Variants in PTPRD observed in about 807,000 individuals in gnomAD.
PTPRD encodes receptor-type tyrosine-protein phosphatase delta.
In PTPRD, 34 loss-of-function variants were observed where a neutral mutation model predicts 214.5. That is an observed-to-expected ratio of 0.16 (90% CI 0.12 to 0.21). The LOEUF (loss-of-function observed/expected upper bound fraction) is 0.21. Among genes scored for constraint, PTPRD ranks in the 10% least tolerant of loss-of-function variants. The pLI is 1.00. For synonymous variants in PTPRD, 1,128 were observed against 845.7 expected, an observed-to-expected ratio of 1.33 and a Z score of -5.79; for missense variants, 2,545 against 2,398.7, an observed-to-expected ratio of 1.06 and a Z score of -1.27.
intron 4 of PTPRD, among the ~76,000 whole-genome samples, chr9:9,943,846 G>T (rs1325301661): frequency 2.0e-5 from 3 of 152,090 alleles, no homozygotes; most frequent in African/African-American, 7.2e-5. Context: ...CCAAGCTGCT[G>T]GGAGTGCTGC....
intron 39 of PTPRD, among the ~76,000 whole-genome samples, chr9:8,357,475 C>T (rs1229877634): frequency 4.6e-5 from 7 of 152,118 alleles, no homozygotes; most frequent in African/African-American, 9.7e-5. Context: ...AGGGATAAAC[C>T]GAGGGCTGAA....
chr9:8,705,567 G>A (rs1203628259), intron 12 of PTPRD, among the ~76,000 whole-genome samples: 11 of 151,994 alleles, frequency 7.2e-5, no homozygotes, highest in African/African-American at 2.7e-4. Context: ...ACATTTCCTT[G>A]TCTCTTAAAA....
At chr9:10,571,794 G>A (rs1457741269) in intron 2 of PTPRD, among the ~76,000 whole-genome samples, 3 of 152,042 alleles carry the variant, frequency 2.0e-5, no homozygotes, top group Non-Finnish European at 4.4e-5. Flanking sequence ...AGGAACAGGC[G>A]ACCTAGATCT....
chr9:9,528,693 G>C (rs1005001288), intron 8 of PTPRD, among the ~76,000 whole-genome samples: 8 of 151,862 alleles, frequency 5.3e-5, no homozygotes, highest in Non-Finnish European at 1.0e-4. Flanking sequence ...CAGTGACAAA[G>C]AGAAAATATT....
intron 35 of PTPRD, among the ~76,000 whole-genome samples, chr9:8,415,780 C>T (rs2093890927): frequency 6.6e-6 from 1 of 151,962 alleles, no homozygotes; most frequent in Non-Finnish European, 1.5e-5. Flanking sequence ...AAAATCTGGT[C>T]CTCTCAGAAT....
chr9:8,812,657 C>T (rs933554170), intron 11 of PTPRD, among the ~76,000 whole-genome samples: 29 of 151,902 alleles, frequency 1.9e-4, no homozygotes, highest in Admixed American at 1.9e-3. Flanking sequence ...TGACCTTCAA[C>T]CCACTGTATC....
intron 3 of PTPRD, among the ~76,000 whole-genome samples, chr9:10,187,813 G>A (rs1055447579): frequency 2.0e-5 from 3 of 152,126 alleles, no homozygotes; most frequent in Admixed American, 2.0e-4. Context: ...TAGAATTGTG[G>A]CAAAGGTCCC....
At chr9:9,047,428 G>T (rs1590466999) in intron 10 of PTPRD, among the ~76,000 whole-genome samples, 1 of 151,996 alleles carries the variant, frequency 6.6e-6, no homozygotes, top group East Asian at 1.9e-4. Context: ...GAACCACAAA[G>T]GAACCAGAAT....
At chr9:9,833,135 G>C (rs1003836993) in intron 5 of PTPRD, among the ~76,000 whole-genome samples, 1 of 151,910 alleles carries the variant, frequency 6.6e-6, no homozygotes, top group African/African-American at 2.4e-5. Context: ...TATTTCTAAG[G>C]AACAAAATAA....
intron 44 of PTPRD, among the ~76,000 whole-genome samples, chr9:8,322,544 C>G (rs778985776): frequency 7.2e-5 from 11 of 152,142 alleles, no homozygotes; most frequent in African/African-American, 2.7e-4. Context: ...CTCTTCAATT[C>G]TATGAAGGCT....
At chr9:9,698,147 C>T (rs770556504) in intron 7 of PTPRD, among the ~76,000 whole-genome samples, 1 of 152,180 alleles carries the variant, frequency 6.6e-6, no homozygotes, top group African/African-American at 2.4e-5. Context: ...CTTTCACTGG[C>T]TCCTTACTTT....
chr9:10,333,794 G>A (rs191986906), intron 3 of PTPRD, among the ~76,000 whole-genome samples: 1 of 151,740 alleles, frequency 6.6e-6, no homozygotes, highest in Admixed American at 6.6e-5. Flanking sequence ...TTTAGGTTTT[G>A]TCTACCTAGG....
chr9:10,046,811 AG>A (rs1490343181), intron 3 of PTPRD, among the ~76,000 whole-genome samples: 4 of 151,966 alleles, frequency 2.6e-5, no homozygotes, highest in Non-Finnish European at 5.9e-5. Flanking sequence ...AAGTTAGTTT[AG>A]GCAAATGCCT....
At chr9:9,974,383 A>G (rs973065725) in intron 4 of PTPRD, among the ~76,000 whole-genome samples, 2 of 152,184 alleles carry the variant, frequency 1.3e-5, no homozygotes, top group Non-Finnish European at 2.9e-5. Flanking sequence ...GAAACTGCCC[A>G]TGGGTTCATG....
At chr9:9,089,212 G>C (rs1243003328) in intron 10 of PTPRD, among the ~76,000 whole-genome samples, 1 of 152,084 alleles carries the variant, frequency 6.6e-6, no homozygotes, top group African/African-American at 2.4e-5. Context: ...ACTTTTAAAA[G>C]GGCTTTCTGT....
At chr9:9,064,388 T>A (rs10759038) in intron 10 of PTPRD, among the ~76,000 whole-genome samples, 19,223 of 152,124 alleles carry the variant, frequency 0.13, 1,519 homozygotes, top group East Asian at 0.37. Context: ...TATAGTTATA[T>A]TTTATGTAGT....
chr9:9,273,727 A>G (rs184900798), intron 9 of PTPRD, among the ~76,000 whole-genome samples: 1 of 151,386 alleles, frequency 6.6e-6, no homozygotes, highest in East Asian at 2.0e-4. Flanking sequence ...CTCCACATGG[A>G]TTGACATTTG....
At chr9:8,982,209 T>C (rs2099316247) in intron 11 of PTPRD, among the ~76,000 whole-genome samples, 1 of 152,044 alleles carries the variant, frequency 6.6e-6, no homozygotes, top group African/African-American at 2.4e-5. Context: ...TAGTACTGAA[T>C]GGTATTTCAT....
In PTPRD at chr9:9,913,975, C is replaced by T. The variant is rs180980074; in HGVS notation, c.-368+24532G>A. On this transcript the variant is annotated intron_variant, in intron 5 of 45. Coordinates refer to ENST00000381196, the MANE Select transcript of PTPRD (RefSeq NM_002839.4). Reference sequence around the variant, plus strand: ...ACAAGCCGACAATAGTGACTGAATGCTACAACCCCAGCTATGTGGACTCTG... The same window carrying T: ...ACAAGCCGACAATAGTGACTGAATGTTACAACCCCAGCTATGTGGACTCTG... Among the ~76,000 whole-genome samples, 86 of 152,272 alleles carry T rather than the reference C, an allele frequency of 5.6e-4. No homozygotes were observed. The East Asian group carries it at 0.015, about 26-fold the overall frequency.
Sources: allele counts gnomAD v4.1 joint callset (sites outside exome capture counted in the v4.1 genomes callset), GRCh38; gene constraint gnomAD v4.1.1; transcripts MANE v1.5; gene names NCBI Gene and HGNC (gene_info 2026-07-23, HGNC 2026-07-21).